The following MACROD2 variants were observed in gnomAD, a reference collection of about 807,000 sequenced individuals.
MACROD2 encodes the protein mono-ADP ribosylhydrolase 2, also known as ADP-ribose glycohydrolase MACROD2.
Under a neutral mutation model 70.4 loss-of-function variants are expected in MACROD2, and 36 were observed. That is an observed-to-expected ratio of 0.51 (90% CI 0.39 to 0.68). The LOEUF is 0.68. Among genes scored for constraint, MACROD2 ranks in the 30% least tolerant of loss-of-function variants. MACROD2 has a pLI of 0.00. For missense variants in MACROD2, 496 were observed against 538.4 expected (o/e 0.92, Z 0.78); for synonymous variants, 172 against 178.8 (o/e 0.96, Z 0.30).
intron 8 of MACROD2, among the ~76,000 whole-genome samples, chr20:15,860,487 T>C (rs1285286270): frequency 6.6e-6 from 1 of 152,152 alleles, no homozygotes; most frequent in Non-Finnish European, 1.5e-5. Context: ...TCTTTGGAAA[T>C]TCCAAGTAGT....
At chr20:15,341,428 G>C (rs1338809728) in intron 6 of MACROD2, among the ~76,000 whole-genome samples, 1 of 152,132 alleles carries the variant, frequency 6.6e-6, no homozygotes, top group Non-Finnish European at 1.5e-5. Context: ...ACTACCCCAT[G>C]ATAACATGTA....
chr20:15,293,883 C>T (rs1232884029), intron 6 of MACROD2, among the ~76,000 whole-genome samples: 1 of 151,930 alleles, frequency 6.6e-6, no homozygotes, highest in Non-Finnish European at 1.5e-5. Context: ...TTTGGGAGGC[C>T]GAGGCAGATG....
intron 6 of MACROD2, among the ~76,000 whole-genome samples, chr20:15,314,457 A>G (rs1278011039): frequency 6.6e-6 from 1 of 152,164 alleles, no homozygotes; most frequent in African/African-American, 2.4e-5. Flanking sequence ...AAAAAATGAT[A>G]TAAAAACTTC....
chr20:14,957,422 G>A (rs2074546711), intron 5 of MACROD2, among the ~76,000 whole-genome samples: 1 of 152,126 alleles, frequency 6.6e-6, no homozygotes, highest in African/African-American at 2.4e-5. Flanking sequence ...ATAAGAACAG[G>A]CACACTTTGG....
At chr20:15,211,785 G>T (rs993701552) in intron 5 of MACROD2, among the ~76,000 whole-genome samples, 2 of 152,154 alleles carry the variant, frequency 1.3e-5, no homozygotes, top group Admixed American at 6.5e-5. Flanking sequence ...AGCCTCAGGT[G>T]TTCCTTTATA....
chr20:15,317,657 C>T (rs1421582313), intron 6 of MACROD2, among the ~76,000 whole-genome samples: 1 of 151,818 alleles, frequency 6.6e-6, no homozygotes, highest in Non-Finnish European at 1.5e-5. Context: ...CTTTTTGAGT[C>T]TGGCAGGCTT....
chr20:15,722,130 C>A (rs2050795399), intron 8 of MACROD2, among the ~76,000 whole-genome samples: 1 of 152,082 alleles, frequency 6.6e-6, no homozygotes, highest in Admixed American at 6.6e-5. Flanking sequence ...TTTATATATT[C>A]AACTTTCTCT....
chr20:14,044,968 C>T (rs979508275), intron 2 of MACROD2, among the ~76,000 whole-genome samples: 4 of 152,242 alleles, frequency 2.6e-5, no homozygotes, highest in African/African-American at 9.6e-5. Context: ...CCAAGCCCTG[C>T]CCCACAGGGA....
chr20:15,896,689 A>G (rs1272456930), intron 10 of MACROD2, among the ~76,000 whole-genome samples: 1 of 152,204 alleles, frequency 6.6e-6, no homozygotes, highest in African/African-American at 2.4e-5. Flanking sequence ...TCGCTAAGAT[A>G]CTGAACATCA....
intron 8 of MACROD2, among the ~76,000 whole-genome samples, chr20:15,779,687 G>T (rs2051796913): frequency 6.6e-6 from 1 of 152,088 alleles, no homozygotes; most frequent in Non-Finnish European, 1.5e-5. Flanking sequence ...ATTCAGAAAG[G>T]TCAGAAAAAC....
At chr20:15,168,096 C>T (rs928244085) in intron 5 of MACROD2, among the ~76,000 whole-genome samples, 1 of 152,038 alleles carries the variant, frequency 6.6e-6, no homozygotes, top group African/African-American at 2.4e-5. Context: ...CCAGCATGAC[C>T]GTGGGGTGTG....
intron 8 of MACROD2, chr20:15,552,678 A>G (rs961201728): frequency 2.0e-5 from 3 of 152,200 alleles, no homozygotes; most frequent in African/African-American, 7.2e-5. Context: ...GTTCTGGTGA[A>G]TAGCAGCCTA....
intron 4 of MACROD2, among the ~76,000 whole-genome samples, chr20:14,658,823 C>T (rs965382298): frequency 9.2e-5 from 14 of 152,134 alleles, no homozygotes; most frequent in African/African-American, 3.1e-4. Context: ...CGTGTTGCCC[C>T]GGCTGGTCTC....
intron 6 of MACROD2, among the ~76,000 whole-genome samples, chr20:15,267,436 C>A (rs143415142): frequency 1.3e-5 from 2 of 152,206 alleles, no homozygotes; most frequent in Non-Finnish European, 2.9e-5. Flanking sequence ...GTCCCCAGAG[C>A]CTGGCATGCA....
intron 3 of MACROD2, among the ~76,000 whole-genome samples, chr20:14,347,338 G>A (rs1475218266): frequency 6.6e-6 from 1 of 152,094 alleles, no homozygotes; most frequent in Non-Finnish European, 1.5e-5. Flanking sequence ...GCGTTTTGGG[G>A]ATGGATAGAG....
intron 3 of MACROD2, among the ~76,000 whole-genome samples, chr20:14,144,982 A>G (rs80161996): frequency 0.012 from 1,846 of 152,202 alleles, 19 homozygotes; most frequent in South Asian, 0.037. Flanking sequence ...AAAGATAATC[A>G]TGGTTTTGTC....
At chr20:14,667,688 T>C (rs895412499) in intron 4 of MACROD2, among the ~76,000 whole-genome samples, 1 of 152,184 alleles carries the variant, frequency 6.6e-6, no homozygotes, top group African/African-American at 2.4e-5. Context: ...TTCGATGAGC[T>C]GCAGGATTAT....
chr20:15,916,036 A>G (rs2065309630), intron 10 of MACROD2, among the ~76,000 whole-genome samples: 1 of 152,214 alleles, frequency 6.6e-6, no homozygotes, highest in Admixed American at 6.5e-5. Flanking sequence ...AGAAAAGGAC[A>G]AAAATATATT....
At chr20:15,460,951 C>T (rs1288289177) in intron 7 of MACROD2, among the ~76,000 whole-genome samples, 1 of 134,820 alleles carries the variant, frequency 7.4e-6, no homozygotes, top group Non-Finnish European at 1.6e-5. Context: ...TTATAAATAG[C>T]TTCCCTTTAA....
Sources: gnomAD v4.1 joint callset for allele counts (sites outside exome capture counted in the v4.1 genomes callset) on GRCh38, gnomAD v4.1.1 for gene constraint, MANE v1.5 for transcripts, NCBI Gene and HGNC (gene_info 2026-07-23, HGNC 2026-07-21) for gene names.